The following THSD4 variants were observed in gnomAD, a reference collection of about 807,000 sequenced individuals.
The protein encoded by THSD4 is thrombospondin type 1 domain containing 4.
A neutral mutation model predicts 119.0 loss-of-function variants in THSD4; 69 were observed. The observed-to-expected ratio is 0.58, with a 90% CI of 0.48 to 0.71. The LOEUF (loss-of-function observed/expected upper bound fraction) is 0.71. Among genes scored for constraint, THSD4 ranks in the 30% least tolerant of loss-of-function variants. The probability of loss-of-function intolerance (pLI) is 0.00; values close to 1 mark genes in which losing one functional copy is unlikely to be tolerated. For missense variants in THSD4, 1,393 were observed against 1,391.1 expected, an observed-to-expected ratio of 1.00 and a Z score of -0.02; for synonymous variants, 524 against 540.4, an observed-to-expected ratio of 0.97 and a Z score of 0.42.
At chr15:71,697,372 GAC>G (rs1231746289) in intron 8 of THSD4, among the ~76,000 whole-genome samples, 1 of 152,200 alleles carries the variant, frequency 6.6e-6, no homozygotes, top group African/African-American at 2.4e-5. Flanking sequence ...GACTTGCTGG[GAC>G]ACAGCAGCTT....
chr15:71,411,275 C>T (rs1382206218), intron 6 of THSD4, among the ~76,000 whole-genome samples: 1 of 152,156 alleles, frequency 6.6e-6, no homozygotes, highest in African/African-American at 2.4e-5. Flanking sequence ...GATCAAGATA[C>T]AATCCCTTCC....
At chr15:71,626,440 T>G (rs938514100) in intron 7 of THSD4, among the ~76,000 whole-genome samples, 1 of 152,210 alleles carries the variant, frequency 6.6e-6, no homozygotes, top group Non-Finnish European at 1.5e-5. Context: ...AGTGGTGGTT[T>G]CTGTGGAGGT....
intron 7 of THSD4, among the ~76,000 whole-genome samples, chr15:71,495,561 G>A (rs945610563): frequency 2.6e-5 from 4 of 152,088 alleles, no homozygotes; most frequent in Admixed American, 6.5e-5. Flanking sequence ...CCCTGTGCTC[G>A]GGACATCCAA....
At chr15:71,100,530 G>A (rs1361730807) in intron 1 of THSD4, among the ~76,000 whole-genome samples, 3 of 152,162 alleles carry the variant, frequency 2.0e-5, no homozygotes, top group Non-Finnish European at 4.4e-5. Flanking sequence ...AGACCCTGGG[G>A]CAGAGGACCT....
intron 14 of THSD4, among the ~76,000 whole-genome samples, chr15:71,749,190 C>A (rs1013579057): frequency 1.2e-4 from 18 of 152,234 alleles, no homozygotes; most frequent in Admixed American, 2.6e-4. Context: ...GCACCTAATG[C>A]CCTGGAGGTG....
At chr15:71,609,028 A>G (rs1342889089) in intron 7 of THSD4, among the ~76,000 whole-genome samples, 1 of 152,192 alleles carries the variant, frequency 6.6e-6, no homozygotes, top group African/African-American at 2.4e-5. Context: ...CATAAAGTCC[A>G]GGATCCCCTT....
intron 8 of THSD4, among the ~76,000 whole-genome samples, chr15:71,695,071 G>A (rs906965907): frequency 3.3e-5 from 5 of 152,120 alleles, no homozygotes; most frequent in East Asian, 1.9e-4. Context: ...CACGGAATAC[G>A]CATATAGCTT....
chr15:71,572,975 G>A (rs538952109), intron 7 of THSD4, among the ~76,000 whole-genome samples: 1 of 152,258 alleles, frequency 6.6e-6, no homozygotes, highest in African/African-American at 2.4e-5. Context: ...TCTGTAGAGG[G>A]CATACCCTGA....
At chr15:71,757,050 G>A (rs1325127935) in intron 14 of THSD4, among the ~76,000 whole-genome samples, 1 of 152,154 alleles carries the variant, frequency 6.6e-6, no homozygotes, top group Admixed American at 6.5e-5. Context: ...CATTTACTGG[G>A]CACCTCCCAT....
intron 6 of THSD4, among the ~76,000 whole-genome samples, chr15:71,360,708 G>A (rs1398904559): frequency 6.6e-6 from 1 of 152,162 alleles, no homozygotes; most frequent in Non-Finnish European, 1.5e-5. Context: ...TCCAAGAAGG[G>A]CTTTAGAAAT....
At chr15:71,598,012 G>T (rs2049937968) in intron 7 of THSD4, among the ~76,000 whole-genome samples, 1 of 152,140 alleles carries the variant, frequency 6.6e-6, no homozygotes, top group South Asian at 2.1e-4. Context: ...AATAAGTCAT[G>T]GTTCAGGCCT....
At chr15:71,370,297 T>A (rs1332000607) in intron 6 of THSD4, among the ~76,000 whole-genome samples, 8 of 152,198 alleles carry the variant, frequency 5.3e-5, no homozygotes, top group Non-Finnish European at 1.2e-4. Context: ...TCTGCTCTGA[T>A]CTTAGTTATT....
intron 8 of THSD4, among the ~76,000 whole-genome samples, chr15:71,665,754 G>T (rs1444486154): frequency 3.3e-5 from 5 of 152,106 alleles, no homozygotes; most frequent in Non-Finnish European, 7.4e-5. Context: ...TGAATAGGGA[G>T]TCCTTTCCCA....
At chr15:71,263,022 A>G (rs994047816) in intron 6 of THSD4, among the ~76,000 whole-genome samples, 14 of 152,006 alleles carry the variant, frequency 9.2e-5, no homozygotes, top group Middle Eastern at 3.4e-3. Flanking sequence ...TACATAGGCA[A>G]ACGTGTCATG....
At chr15:71,274,158 C>A (rs777675183) in intron 6 of THSD4, among the ~76,000 whole-genome samples, 11 of 152,132 alleles carry the variant, frequency 7.2e-5, no homozygotes, top group Non-Finnish European at 8.8e-5. Context: ...AATAAGAAAT[C>A]TAGAAAGAAG....
chr15:71,339,032 C>T (rs185289279), intron 6 of THSD4, among the ~76,000 whole-genome samples: 4 of 152,272 alleles, frequency 2.6e-5, no homozygotes, highest in Admixed American at 6.5e-5. Context: ...CTGTGTCTTG[C>T]TCCAGCCACT....
In THSD4 at chr15:71,219,017, A is replaced by AT. The variant is rs527545154; in HGVS notation, c.464+3628dup. 2.0e-3 allele frequency among the ~76,000 whole-genome samples: 294 copies of AT among 150,170 alleles called. 3 individuals carry two copies. Among genetic ancestry groups the AT allele is most frequent in the African/African-American group, 6.0e-3 (244 of 40,942 alleles). On this transcript the variant is annotated intron_variant, in intron 4 of 17. Coordinates refer to ENST00000261862, the MANE Select transcript of THSD4 (RefSeq NM_024817.3). Reference sequence around the variant, plus strand: ...TAGAGCAGTTGTTTGCAAAATTACCATTTTTTTTTTAAGCAGAAGAATCCG... The same window carrying AT: ...TAGAGCAGTTGTTTGCAAAATTACCATTTTTTTTTTTAAGCAGAAGAATCCG...
At chr15:71,335,800 G>A (rs2045482855) in intron 6 of THSD4, among the ~76,000 whole-genome samples, 1 of 152,112 alleles carries the variant, frequency 6.6e-6, no homozygotes, top group African/African-American at 2.4e-5. Flanking sequence ...GTAACTGAGG[G>A]CTTCTCCACA....
chr15:71,252,517 G>T (rs1013742159), intron 5 of THSD4, among the ~76,000 whole-genome samples: 3 of 152,226 alleles, frequency 2.0e-5, no homozygotes, highest in Non-Finnish European at 2.9e-5. Flanking sequence ...GCCAGGCCTC[G>T]GGGGCTGATT....
Sources: allele counts gnomAD v4.1 joint callset (sites outside exome capture counted in the v4.1 genomes callset), GRCh38; gene constraint gnomAD v4.1.1; transcripts MANE v1.5; gene names NCBI Gene and HGNC (gene_info 2026-07-23, HGNC 2026-07-21).